Variants in MMP26 observed in about 807,000 individuals in gnomAD.
The protein encoded by MMP26 is matrix metallopeptidase 26.
Under a neutral mutation model 31.0 loss-of-function variants are expected in MMP26, and 33 were observed. That is an observed-to-expected ratio of 1.06 (90% confidence interval 0.81 to 1.42). The LOEUF (loss-of-function observed/expected upper bound fraction) is 1.42. Ranked by LOEUF, MMP26 falls within the 40% of genes most tolerant of loss-of-function variation. The probability of loss-of-function intolerance (pLI) is 0.00; values close to 1 mark genes in which losing one functional copy is unlikely to be tolerated. For missense variants in MMP26, 347 were observed against 316.1 expected (o/e 1.10, Z -0.74); for synonymous variants, 122 against 114.9 (o/e 1.06, Z -0.40).
At chr11:4,855,917 T>A (rs1446902925) in intron 2 of MMP26, among the ~76,000 whole-genome samples, 1 of 152,188 alleles carries the variant, frequency 6.6e-6, no homozygotes, top group Non-Finnish European at 1.5e-5. Flanking sequence ...GGGCCAATAT[T>A]CAACATTCTT....
chr11:4,989,936 T>G, intron 4 of MMP26, 68 bp downstream of exon 4: 1 of 1,280,762 alleles, frequency 7.8e-7, no homozygotes, highest in Non-Finnish European at 1.1e-6. Flanking sequence ...CTACCAGGTC[T>G]CTCCTGGAGG....
At chr11:4,719,056 G>A (rs1847975253) in intron 1 of MMP26, 1 of 156,860 alleles carries the variant, frequency 6.4e-6, no homozygotes. Flanking sequence ...GATTTGAGTA[G>A]CAATTATCAC....
intron 2 of MMP26, among the ~76,000 whole-genome samples, chr11:4,923,151 T>C (rs918667798): frequency 6.6e-6 from 1 of 152,204 alleles, no homozygotes; most frequent in Admixed American, 6.5e-5. Flanking sequence ...ACAACATCCC[T>C]ATGAGGAAGG....
intron 2 of MMP26, chr11:4,848,523 C>A: frequency 6.2e-7 from 1 of 1,613,358 alleles, no homozygotes; most frequent in East Asian, 2.2e-5. Context: ...CAACACCTTG[C>A]CAATCAGGCC....
At chr11:4,748,827 A>G (rs1005949414) in intron 1 of MMP26, among the ~76,000 whole-genome samples, 2 of 152,120 alleles carry the variant, frequency 1.3e-5, no homozygotes, top group African/African-American at 4.8e-5. Context: ...ACAAACCTGC[A>G]GCCAACATCA....
chr11:4,826,480 T>C (rs901944847), intron 2 of MMP26, among the ~76,000 whole-genome samples: 8 of 152,102 alleles, frequency 5.3e-5, no homozygotes, highest in Admixed American at 2.0e-4. Flanking sequence ...TATGCCATTG[T>C]TGTTTCAGTG....
At chr11:4,899,160 G>A (rs73405041) in intron 2 of MMP26, among the ~76,000 whole-genome samples, 2,932 of 152,224 alleles carry the variant, frequency 0.019, 90 homozygotes, top group African/African-American at 0.067. Context: ...TATTCCCATA[G>A]CAGCCCCAAA....
Position 4,769,414 on chromosome 11 carries a change from G to A in MMP26, c.-145+2073G>A, listed in dbSNP as rs372333971. On this transcript the variant is annotated intron_variant, in intron 2 of 7. Coordinates refer to ENST00000380390, the MANE Select transcript of MMP26 (RefSeq NM_021801.5). ...AAAGGGCATTCATTCTACAGAAATA[G>A]AGAGGCTTAAGGAGCAAAAGTAGTG... 1.9e-5 allele frequency: 31 copies of A among 1,613,820 alleles called. No homozygotes were observed. The African/African-American group carries it at 3.2e-4, about 17-fold the overall frequency.
intron 2 of MMP26, among the ~76,000 whole-genome samples, chr11:4,940,740 A>C (rs1290011390): frequency 2.0e-5 from 3 of 152,186 alleles, no homozygotes. Flanking sequence ...TTTGGCAGAG[A>C]AAACTGCATG....
intron 2 of MMP26, chr11:4,769,044 T>C: frequency 1.9e-6 from 3 of 1,540,186 alleles, no homozygotes; most frequent in Non-Finnish European, 2.6e-6. Context: ...CTGTCGATGA[T>C]GGGGTTGAGC....
chr11:4,731,148 T>A (rs2133283931), intron 1 of MMP26, among the ~76,000 whole-genome samples: 1 of 152,204 alleles, frequency 6.6e-6, no homozygotes, highest in Non-Finnish European at 1.5e-5. Flanking sequence ...TTCACTATGT[T>A]GGCCAGGCTG....
At chr11:4,907,316 G>A in intron 2 of MMP26, 1 of 1,259,808 alleles carries the variant, frequency 7.9e-7, no homozygotes, top group Admixed American at 1.9e-5. Flanking sequence ...AAGCATGACT[G>A]CTTTTCATTT....
chr11:4,848,846 A>T (rs1406507168), intron 2 of MMP26: 1 of 1,614,226 alleles, frequency 6.2e-7, no homozygotes, highest in East Asian at 2.2e-5. Flanking sequence ...CGAGCAAGAC[A>T]GAGGACTCCA....
chr11:4,723,629 A>G (rs1848050904), intron 1 of MMP26: 3 of 880,982 alleles, frequency 3.4e-6, no homozygotes, highest in South Asian at 2.6e-5. Context: ...AGCTCTGCAC[A>G]CTTATTGATC....
At chr11:4,837,347 A>G (rs925242480) in intron 2 of MMP26, among the ~76,000 whole-genome samples, 1 of 152,148 alleles carries the variant, frequency 6.6e-6, no homozygotes, top group African/African-American at 2.4e-5. Context: ...AGCTGGGACT[A>G]TAAACACCTG....
chr11:4,741,126 T>C (rs1223621022), intron 1 of MMP26, among the ~76,000 whole-genome samples: 3 of 152,244 alleles, frequency 2.0e-5, no homozygotes, highest in South Asian at 2.1e-4. Flanking sequence ...TTCAGTTTTC[T>C]GCATATGGCT....
chr11:4,832,369 C>T (rs1040439578), intron 2 of MMP26: 2 of 154,286 alleles, frequency 1.3e-5, no homozygotes, highest in East Asian at 1.9e-4. Context: ...CTTTCTCCTC[C>T]CTACCCACGA....
At position 4,948,773 on chromosome 11, in the gene MMP26, C is replaced by T. The variant is rs193250939; in HGVS notation, c.-144-39295C>T. Reference sequence around the variant, plus strand: ...GAGTGGAAATATAAGAATGTATTACCATAACCTTCCCATAAATTCTTTTAA... The same window carrying T: ...GAGTGGAAATATAAGAATGTATTACTATAACCTTCCCATAAATTCTTTTAA... On this transcript the variant is annotated intron_variant, in intron 2 of 7. Transcript: ENST00000380390. Among the ~76,000 whole-genome samples, 9 of 123,850 alleles carry T rather than the reference C, an allele frequency of 7.3e-5. 3 individuals carry two copies. Among genetic ancestry groups the T allele is most frequent in the Admixed American group, 4.5e-4 (5 of 11,116 alleles). The allele number at this position is 123,850 out of a possible 152,430, so 81.3% of individuals were successfully genotyped here.
Position 4,793,360 on chromosome 11 carries a change from G to A in MMP26, c.-145+26019G>A, listed in dbSNP as rs1384032623. Reference sequence around the variant, plus strand: ...TTTTTTGTATCAACTAAAACTTGTGGCTTTTACAAATTGATAAAAAACGAG... The same window carrying A: ...TTTTTTGTATCAACTAAAACTTGTGACTTTTACAAATTGATAAAAAACGAG... On this transcript the variant is annotated intron_variant, in intron 2 of 7. Transcript: ENST00000380390. Among the ~76,000 whole-genome samples, 3 of 152,144 alleles carry A rather than the reference G, an allele frequency of 2.0e-5. No individual in the cohort carries two copies. The East Asian group carries it at 5.8e-4, about 29-fold the overall frequency.
Sources: gnomAD v4.1 joint callset for allele counts (sites outside exome capture counted in the v4.1 genomes callset) on GRCh38, gnomAD v4.1.1 for gene constraint, MANE v1.5 for transcripts, NCBI Gene and HGNC (gene_info 2026-07-23, HGNC 2026-07-21) for gene names.